The following TBC1D1 variants were observed in gnomAD, a reference collection of about 807,000 sequenced individuals.
TBC1D1 encodes TBC1 domain family member 1.
TBC1D1 carries 89 observed loss-of-function variants against 125.6 expected under a neutral mutation model. That is an observed-to-expected ratio of 0.71 (90% CI 0.60 to 0.85). The LOEUF (loss-of-function observed/expected upper bound fraction) is 0.85, where lower values mean the gene tolerates loss of function less well. Ranked by LOEUF, TBC1D1 falls within the 40% of genes least tolerant of loss-of-function variation. The pLI is 0.00. For synonymous variants in TBC1D1, 565 were observed against 564.1 expected (o/e 1.00, Z -0.02); for missense variants, 1,377 against 1,469.2 (o/e 0.94, Z 1.03).
At chr4:38,052,462 G>A (rs1251311815) in intron 11 of TBC1D1, among the ~76,000 whole-genome samples, 1 of 151,228 alleles carries the variant, frequency 6.6e-6, no homozygotes, top group Non-Finnish European at 1.5e-5. Flanking sequence ...CTCCCGAGTA[G>A]CTGGGACTAC....
rs574894198 is a variant in TBC1D1 at position 37,977,431 on chromosome 4, C to G, written c.418-37078C>G. On this transcript the variant is annotated intron_variant, in intron 2 of 19. Coordinates refer to ENST00000261439, the MANE Select transcript of TBC1D1 (RefSeq NM_015173.4). The surrounding 1 kb of genome is among the most constrained non-coding windows in gnomAD (Gnocchi z 4.3). ...CTCCCCAAGCCCGCCCCCGGCCGCC[C>G]GCGGGCCCACGGGCCGGCGGCGGGA... is the stretch of plus-strand genomic sequence containing the variant. 3 of 966,316 alleles carry G rather than the reference C, an allele frequency of 3.1e-6. No individual in the cohort carries two copies. In the African/African-American group the frequency reaches 5.3e-5, roughly 17 times the overall value. 59.9% of individuals were successfully genotyped at this position (966,316 alleles called of 1,614,324 possible). A position where few individuals can be genotyped will look rare whatever the true frequency, so the allele number is the denominator to read the frequency against.
intron 14 of TBC1D1, among the ~76,000 whole-genome samples, chr4:38,102,118 A>T (rs1406877426): frequency 1.3e-5 from 2 of 149,668 alleles, no homozygotes; most frequent in African/African-American, 2.5e-5. Flanking sequence ...GGGGAGGGAT[A>T]GCATTAGGAG....
chr4:37,938,188 T>C (rs1036682395), intron 2 of TBC1D1, among the ~76,000 whole-genome samples: 12 of 151,974 alleles, frequency 7.9e-5, no homozygotes, highest in Non-Finnish European at 1.5e-4. Context: ...CAAATGCAGC[T>C]GGGGCAGCAT....
At chr4:38,070,649 A>G (rs1430677341) in intron 12 of TBC1D1, among the ~76,000 whole-genome samples, 1 of 152,220 alleles carries the variant, frequency 6.6e-6, no homozygotes, top group Non-Finnish European at 1.5e-5. Context: ...TATAAAAATT[A>G]TTGTATCTAC....
At chr4:38,036,885 AGTTCTGT>A (rs1382384189) in intron 8 of TBC1D1, among the ~76,000 whole-genome samples, 1 of 152,132 alleles carries the variant, frequency 6.6e-6, no homozygotes, top group Non-Finnish European at 1.5e-5. Flanking sequence ...ATAGCATTCA[AGTTCTGT>A]GTCTCTCCTG....
intron 12 of TBC1D1, among the ~76,000 whole-genome samples, chr4:38,076,771 C>T (rs1401791886): frequency 1.3e-5 from 2 of 151,868 alleles, no homozygotes; most frequent in Non-Finnish European, 2.9e-5. Context: ...GTTTCTCTGC[C>T]ACCAACCAAA....
Position 38,014,960 on chromosome 4 carries a change from C to T in TBC1D1, c.869C>T (p.Thr290Ile), listed in dbSNP as rs1305095473. Residue 290 changes from threonine to isoleucine, a missense_variant, in exon 3 of 20, where the codon ACT (threonine) becomes ATT (isoleucine). This residue lies in a region of TBC1D1 where 822 missense variants were observed against 824.6 expected (regional missense o/e 1.00). Coordinates refer to ENST00000261439, the MANE Select transcript of TBC1D1 (RefSeq NM_015173.4). This position sits in a 1 kb window ranked among gnomAD's most constrained non-coding sequence, Gnocchi z 5.1. Reference sequence around the variant, plus strand: ...CCCACAGATATCGAGGAAAATCGAACTATGCTCTTCACGGTAAAATATCAC... The same window carrying T: ...CCCACAGATATCGAGGAAAATCGAATTATGCTCTTCACGGTAAAATATCAC... 6.5e-7 allele frequency: 1 copy of T among 1,539,738 alleles called. No homozygotes were observed. The highest frequency in any genetic ancestry group is 8.8e-7 in the Non-Finnish European group (1 of 1,140,330).
chr4:37,944,603 C>T (rs570291522), intron 2 of TBC1D1, among the ~76,000 whole-genome samples: 6 of 152,308 alleles, frequency 3.9e-5, no homozygotes, highest in East Asian at 1.9e-4. Flanking sequence ...TAACAATGAG[C>T]GAGGGTCCAT....
intron 1 of TBC1D1, among the ~76,000 whole-genome samples, chr4:37,893,757 C>T (rs758752238): frequency 5.9e-5 from 9 of 152,108 alleles, no homozygotes; most frequent in Non-Finnish European, 1.5e-5. Context: ...AGCCAGGAGG[C>T]GGAGGTTGCA....
intron 2 of TBC1D1, among the ~76,000 whole-genome samples, chr4:37,956,055 C>G (rs1728875825): frequency 1.3e-5 from 2 of 149,438 alleles, no homozygotes; most frequent in African/African-American, 4.9e-5. Context: ...TTTGAAACAA[C>G]GTCTCTGTCA....
At position 38,137,403 on chromosome 4, in the gene TBC1D1, C is replaced by T. The variant is rs9852; in HGVS notation, c.*68C>T. 0.11 allele frequency: 156,820 copies of T among 1,367,370 alleles called. 10,753 individuals carry two copies. Among genetic ancestry groups the T allele is most frequent in the East Asian group, 0.32 (11,952 of 37,312 alleles). 84.7% of individuals were successfully genotyped at this position (1,367,370 alleles called of 1,614,324 possible). On this transcript the variant is annotated 3_prime_UTR_variant, in exon 20 of 20. Transcript: ENST00000261439. ...GGCCTTAACTGAGAGGGACAGAAGA[C>T]GCTGGAAGGAGAGAAGGAAGCGGGA... is the stretch of plus-strand genomic sequence containing the variant.
intron 2 of TBC1D1, among the ~76,000 whole-genome samples, chr4:37,920,463 A>G (rs1720720291): frequency 1.3e-5 from 2 of 152,192 alleles, no homozygotes; most frequent in Non-Finnish European, 2.9e-5. Context: ...AGGAGGGAGA[A>G]TGAATGAGTA....
At chr4:38,030,093 C>A (rs1409789942) in intron 7 of TBC1D1, among the ~76,000 whole-genome samples, 1 of 152,138 alleles carries the variant, frequency 6.6e-6, no homozygotes. Context: ...GAGGAACTTC[C>A]CTCTCATAAT....
At chr4:37,928,839 A>T (rs552893904) in intron 2 of TBC1D1, among the ~76,000 whole-genome samples, 2 of 152,372 alleles carry the variant, frequency 1.3e-5, no homozygotes, top group South Asian at 4.1e-4. Context: ...CATCATGGCC[A>T]CTTAATTTCC....
At chr4:38,039,104 CT>C (rs776941680) in intron 8 of TBC1D1, among the ~76,000 whole-genome samples, 6 of 51,578 alleles carry the variant, frequency 1.2e-4, no homozygotes, top group Non-Finnish European at 1.5e-4. Context: ...GCATCATACT[CT>C]TTTTTTTTTT....
chr4:37,968,111 T>G (rs1269186928), intron 2 of TBC1D1, among the ~76,000 whole-genome samples: 1 of 152,256 alleles, frequency 6.6e-6, no homozygotes, highest in East Asian at 1.9e-4. Context: ...AATGTAATAA[T>G]TTAGCTGGTT....
chr4:37,982,616 C>T (rs1169817057), intron 2 of TBC1D1, among the ~76,000 whole-genome samples: 1 of 151,926 alleles, frequency 6.6e-6, no homozygotes, highest in African/African-American at 2.4e-5. Flanking sequence ...GGAACTTGGG[C>T]GTAGGTTGGT....
chr4:38,078,499 T>A (rs973253091), intron 12 of TBC1D1, among the ~76,000 whole-genome samples: 64 of 152,290 alleles, frequency 4.2e-4, no homozygotes, highest in African/African-American at 1.2e-3. Flanking sequence ...CACAGTGTTA[T>A]GGTGTTTGAA....
chr4:38,013,852 G>A (rs1742041015), intron 2 of TBC1D1, among the ~76,000 whole-genome samples: 1 of 152,188 alleles, frequency 6.6e-6, no homozygotes, highest in Non-Finnish European at 1.5e-5. Context: ...TTAGTCATGG[G>A]TTACTCAGTC....
Sources: allele counts gnomAD v4.1 joint callset (sites outside exome capture counted in the v4.1 genomes callset), GRCh38; gene constraint gnomAD v4.1.1; regional missense constraint gnomAD v4.1.1; non-coding constraint Gnocchi (gnomAD v3.1); transcripts MANE v1.5; gene names NCBI Gene and HGNC (gene_info 2026-07-23, HGNC 2026-07-21).